Variants in ASH1L observed in about 807,000 individuals in gnomAD.
ASH1L encodes the protein ASH1 like histone lysine methyltransferase, also known as histone-lysine N-methyltransferase ASH1L.
Under a neutral mutation model 269.0 loss-of-function variants are expected in ASH1L, and 23 were observed. That is an observed-to-expected ratio of 0.09 (90% CI 0.06 to 0.12). The LOEUF is 0.12. ASH1L is among the 10% of genes least tolerant of loss of function. The probability of loss-of-function intolerance (pLI) is 1.00; values close to 1 mark genes in which losing one functional copy is unlikely to be tolerated. For synonymous variants in ASH1L, 1,187 were observed against 1,253.5 expected, an observed-to-expected ratio of 0.95 and a Z score of 1.12; for missense variants, 2,912 against 3,567.8, an observed-to-expected ratio of 0.82 and a Z score of 4.68.
intron 2 of ASH1L, among the ~76,000 whole-genome samples, chr1:155,514,538 C>T (rs561123798): frequency 2.7e-5 from 4 of 150,464 alleles, no homozygotes; most frequent in Non-Finnish European, 2.9e-5. Flanking sequence ...TGATTACTTG[C>T]TGTTTATTTT....
intron 1 of ASH1L, among the ~76,000 whole-genome samples, chr1:155,545,955 G>A (rs1670781980): frequency 6.6e-6 from 1 of 151,898 alleles, no homozygotes; most frequent in African/African-American, 2.4e-5. Context: ...TCAGGAGTTC[G>A]AGACCAGCCT....
chr1:155,358,394 A>AG (rs1418156679), intron 13 of ASH1L, among the ~76,000 whole-genome samples: 1 of 152,122 alleles, frequency 6.6e-6, no homozygotes, highest in East Asian at 1.9e-4. Context: ...TTTAAAAAAA[A>AG]ATTTTAAAAA....
At chr1:155,471,832 G>A (rs982821334) in intron 3 of ASH1L, among the ~76,000 whole-genome samples, 1 of 152,212 alleles carries the variant, frequency 6.6e-6, no homozygotes, top group Non-Finnish European at 1.5e-5. Context: ...ACTGGCATCT[G>A]CAGTCTCATG....
intron 3 of ASH1L, among the ~76,000 whole-genome samples, chr1:155,463,153 T>C (rs1664427390): frequency 6.6e-6 from 1 of 152,190 alleles, no homozygotes; most frequent in Non-Finnish European, 1.5e-5. Context: ...AAGAACCAGA[T>C]AATGCCCAGA....
rs189076763 is a variant in ASH1L at position 155,495,735 on chromosome 1, C to T, written c.421-13286G>A. Among the ~76,000 whole-genome samples the T allele has an allele frequency of 1.5e-4, 23 of 152,278 alleles. 1 individual carries two copies. The East Asian group carries it at 3.5e-3, about 23-fold the overall frequency. On this transcript the variant is annotated intron_variant, in intron 2 of 27. Transcript: ENST00000392403. ...CATCTGGCTGGGCACAGCAGCTCAA[C>T]GCCTGTAATCCCAGTACTTTGGGAG...
At chr1:155,385,845 TG>T (rs1228342281) in intron 7 of ASH1L, among the ~76,000 whole-genome samples, 2 of 152,070 alleles carry the variant, frequency 1.3e-5, no homozygotes, top group African/African-American at 4.8e-5. Context: ...ACCTGAGTGT[TG>T]GGGGATGGGG....
intron 2 of ASH1L, among the ~76,000 whole-genome samples, chr1:155,485,790 T>C (rs1666295135): frequency 6.6e-6 from 1 of 152,156 alleles, no homozygotes; most frequent in Non-Finnish European, 1.5e-5. Flanking sequence ...TCTAAAACCA[T>C]TTCCCATTAA....
chr1:155,370,091 A>AT (rs1403062726), intron 12 of ASH1L: 3 of 176,366 alleles, frequency 1.7e-5, no homozygotes, highest in Admixed American at 1.7e-4. Flanking sequence ...TTTGTTTTTG[A>AT]TTTTTTCTTG....
chr1:155,367,374 T>C (rs1448391779), intron 12 of ASH1L, among the ~76,000 whole-genome samples: 3 of 152,242 alleles, frequency 2.0e-5, no homozygotes, highest in African/African-American at 7.2e-5. Flanking sequence ...TTTTATATAC[T>C]GACCATCTTT....
At chr1:155,347,094 A>G (rs748164291) in intron 20 of ASH1L, among the ~76,000 whole-genome samples, 6 of 152,172 alleles carry the variant, frequency 3.9e-5, no homozygotes, top group East Asian at 1.9e-4. Flanking sequence ...TGTACAGTGG[A>G]AAGTGGGCAG....
At chr1:155,431,745 G>A (rs1177708409) in intron 5 of ASH1L, among the ~76,000 whole-genome samples, 2 of 151,962 alleles carry the variant, frequency 1.3e-5, no homozygotes, top group East Asian at 1.9e-4. Context: ...CCTGGGGGAC[G>A]CAGCAAGACC....
At chr1:155,466,264 G>A (rs1664692945) in intron 3 of ASH1L, among the ~76,000 whole-genome samples, 1 of 152,124 alleles carries the variant, frequency 6.6e-6, no homozygotes. Context: ...TGAGGCAGGA[G>A]AATGGCATGA....
chr1:155,444,931 T>A (rs1195147645), intron 4 of ASH1L, among the ~76,000 whole-genome samples: 3 of 151,974 alleles, frequency 2.0e-5, no homozygotes, highest in African/African-American at 7.3e-5. Context: ...CAAATTTTTT[T>A]AAATGGTCCT....
chr1:155,562,172 G>C lies in ASH1L; in HGVS notation c.-119C>G. 6.3e-7 allele frequency: 1 copy of C among 1,596,558 alleles called. No homozygotes were observed. The highest frequency in any genetic ancestry group is 8.6e-7 in the Non-Finnish European group (1 of 1,166,656). ...ACTCACCGTGTCGGAGGCCGAGGCC[G>C]AGGCCGAGAGCGATGAGAGTGCAGG... is the stretch of plus-strand genomic sequence containing the variant. On this transcript the variant is annotated 5_prime_UTR_variant, in exon 1 of 28. Transcript: ENST00000392403.
At chr1:155,502,492 T>C (rs2148797845) in intron 2 of ASH1L, among the ~76,000 whole-genome samples, 1 of 152,364 alleles carries the variant, frequency 6.6e-6, no homozygotes, top group East Asian at 1.9e-4. Context: ...TACAGATCTT[T>C]TCTTCAGTCT....
At chr1:155,470,946 A>C (rs1460688690) in intron 3 of ASH1L, among the ~76,000 whole-genome samples, 1 of 152,198 alleles carries the variant, frequency 6.6e-6, no homozygotes, top group Non-Finnish European at 1.5e-5. Context: ...CTCCTAAACA[A>C]AACCAGTTCT....
intron 5 of ASH1L, chr1:155,433,417 G>C: frequency 6.2e-7 from 1 of 1,608,288 alleles, no homozygotes; most frequent in Non-Finnish European, 8.5e-7. Context: ...GTGGGCCTCA[G>C]GTTGGAGTGC....
In ASH1L at chr1:155,482,304, A is replaced by G; in HGVS notation, c.566T>C (p.Ile189Thr). The change falls in exon 3 of 28, where the codon ATT becomes ACT. Residue 189 changes from isoleucine (I) to threonine (T), a missense_variant. Ile to Thr is a moderately conservative substitution (Grantham distance 89). This residue lies in a region of ASH1L where 277 missense variants were observed against 367.7 expected (regional missense o/e 0.75). Coordinates refer to ENST00000392403, the MANE Select transcript of ASH1L (RefSeq NM_018489.3). ...SPVHSEMADYINATPSTLLGS... is the reference protein window; with the variant it reads ...SPVHSEMADYTNATPSTLLGS... ...AAGAAGAGTAGATGGCGTTGCATTAATATAATCTGCCATTTCTGAGTGTAC... is the reference window on the plus strand; with the variant it reads ...AAGAAGAGTAGATGGCGTTGCATTAGTATAATCTGCCATTTCTGAGTGTAC... 1 of 1,614,172 alleles carries G rather than the reference A, an allele frequency of 6.2e-7. No homozygotes were observed. The highest frequency in any genetic ancestry group is 8.5e-7 in the Non-Finnish European group (1 of 1,180,006).
intron 2 of ASH1L, among the ~76,000 whole-genome samples, chr1:155,514,646 G>C (rs1292469439): frequency 6.6e-6 from 1 of 152,134 alleles, no homozygotes; most frequent in Admixed American, 6.6e-5. Context: ...TCATAAAGCA[G>C]TGGAGACGAT....
Sources: gnomAD v4.1 joint callset for allele counts (sites outside exome capture counted in the v4.1 genomes callset) on GRCh38, gnomAD v4.1.1 for gene constraint, gnomAD v4.1.1 regional missense constraint, MANE v1.5 for transcripts, NCBI Gene and HGNC (gene_info 2026-07-23, HGNC 2026-07-21) for gene names.